EML4: variants seen among roughly 807,000 people sequenced by gnomAD.
EML4 encodes EMAP like 4, also known as echinoderm microtubule-associated protein-like 4.
In EML4, 72 loss-of-function variants were observed where a neutral mutation model predicts 129.0. That is an observed-to-expected ratio of 0.56 (90% CI 0.46 to 0.68). The LOEUF (loss-of-function observed/expected upper bound fraction) is 0.68, where lower values mean the gene tolerates loss of function less well. EML4 is among the 30% of genes least tolerant of loss of function. The pLI is 0.00. For synonymous variants in EML4, 532 were observed against 405.0 expected (o/e 1.31, Z -3.77); for missense variants, 1,363 against 1,190.6 (o/e 1.14, Z -2.13).
chr2:42,259,722 CTTTTTTTTTTTTT>C (rs780243101), intron 3 of EML4, among the ~76,000 whole-genome samples: 2 of 98,346 alleles, frequency 2.0e-5, no homozygotes, highest in South Asian at 4.0e-4. Flanking sequence ...TTCTTTCTTT[CTTTTTTTTTTTTT>C]TTTTTTTTTT....
rs560179083 is a variant in EML4, at chr2:42,303,389, G to A, written c.1842G>A (p.Arg614=). Residue 614 remains arginine (R), a synonymous_variant, in exon 16 of 23, where the codon AGG becomes AGA. Transcript: ENST00000318522. ...TGCTCTTGACATGTGCTCAGGACAG[G>A]CAGGTGTGCCTGTGGAACTCAATGG... ...KDLLLTCAQD[R]QVCLWNSMEH... The A allele has an allele frequency of 2.5e-6, 4 of 1,614,142 alleles. No homozygotes were observed. Among genetic ancestry groups the A allele is most frequent in the South Asian group, 1.1e-5 (1 of 91,082 alleles).
rs1011668866 is a variant in EML4, at chr2:42,332,057, T to G, written c.*1850T>G. On this transcript the variant is annotated 3_prime_UTR_variant, in exon 23 of 23. Coordinates refer to ENST00000318522, the MANE Select transcript of EML4 (RefSeq NM_019063.5). ...CCAGTAAGTATCAGGCATATATATC[T>G]GTCTGTTAGCAATGATTATTACATC... 2.2e-5 allele frequency: 5 copies of G among 222,358 alleles called. No individual in the cohort carries two copies. The highest frequency in any genetic ancestry group is 4.5e-5 in the African/African-American group (2 of 44,742). The allele number at this position is 222,358 out of a possible 1,614,324, so 13.8% of individuals were successfully genotyped here.
At position 42,245,706 on chromosome 2, in the gene EML4, TAA is replaced by T. The variant is rs1558536283; in HGVS notation, c.208+23_208+24del. The T allele has an allele frequency of 1.9e-6, 3 of 1,556,136 alleles. No individual in the cohort carries two copies. The highest frequency in any genetic ancestry group is 2.0e-5 in the Admixed American group (1 of 48,830). On this transcript the variant is annotated intron_variant, in intron 2 of 22. Transcript: ENST00000318522. ...AGTAAAGGTAATTGTGTTGTAAAGTTAAAAAGAGTCTTGCTTTTTGCAATATT... is the reference window on the plus strand; with the variant it reads ...AGTAAAGGTAATTGTGTTGTAAAGTTAAAGAGTCTTGCTTTTTGCAATATT...
Position 42,295,183 on chromosome 2 carries a change from T to G in EML4, c.1277T>G (p.Ile426Ser). Reference sequence around the variant, plus strand: ...CACCCAACAGATGCAAATACCATAATTACATGCGGTAAATCTCATATTTTC... The same window carrying G: ...CACCCAACAGATGCAAATACCATAAGTACATGCGGTAAATCTCATATTTTC... ...EFHPTDANTIITCGKSHIFFW... is the reference protein window; with the variant it reads ...EFHPTDANTISTCGKSHIFFW... Residue 426 changes from isoleucine (I) to serine (S), a missense_variant, in exon 12 of 23, where the codon ATT becomes AGT. Transcript: ENST00000318522. 1 of 1,613,098 alleles carries G rather than the reference T, an allele frequency of 6.2e-7. No homozygotes were observed. Among genetic ancestry groups the G allele is most frequent in the Non-Finnish European group, 8.5e-7 (1 of 1,179,700 alleles).
At chr2:42,253,459 G>T (rs1018908399) in intron 2 of EML4, among the ~76,000 whole-genome samples, 1 of 152,074 alleles carries the variant, frequency 6.6e-6, no homozygotes. Context: ...AAATAATGGG[G>T]CATATTACAG....
At chr2:42,303,507 A>T in intron 16 of EML4, 61 bp downstream of exon 16, 1 of 1,564,654 alleles carries the variant, frequency 6.4e-7, no homozygotes, top group Non-Finnish European at 8.8e-7. Flanking sequence ...CTGGCAGTTG[A>T]GAGCAGCAAA....
At chr2:42,320,286 TG>T in intron 19 of EML4, among the ~76,000 whole-genome samples, 1 of 151,710 alleles carries the variant, frequency 6.6e-6, no homozygotes, top group Admixed American at 6.6e-5. Context: ...TCCAGGAGTT[TG>T]ACACCAGCCT....
intron 1 of EML4, among the ~76,000 whole-genome samples, chr2:42,177,865 C>A (rs913456353): frequency 6.6e-6 from 1 of 152,246 alleles, no homozygotes; most frequent in South Asian, 2.1e-4. Flanking sequence ...AATATCAGTA[C>A]TTCGTGTGAT....
rs572899540 is a variant in EML4 at position 42,325,606 on chromosome 2, A to T, written c.2242+52A>T. On this transcript the variant is annotated intron_variant, in intron 20 of 22. Coordinates refer to ENST00000318522, the MANE Select transcript of EML4 (RefSeq NM_019063.5). ...ATATATATGCTATGATTATATTTAT[A>T]TATATATATATATATATATATATAT... is the stretch of plus-strand genomic sequence containing the variant. The T allele has an allele frequency of 5.2e-4, 15 of 28,692 alleles. No individual in the cohort carries two copies. The South Asian group carries it at 9.2e-3, about 18-fold the overall frequency. The allele number at this position is 28,692 out of a possible 1,614,324, so 1.8% of individuals were successfully genotyped here. A position where few individuals can be genotyped will look rare whatever the true frequency, so the allele number is the denominator to read the frequency against.
intron 1 of EML4, among the ~76,000 whole-genome samples, chr2:42,235,690 A>G (rs1470565349): frequency 2.0e-5 from 3 of 152,122 alleles, no homozygotes; most frequent in African/African-American, 7.2e-5. Context: ...ATTATATCTC[A>G]TATCATGTAA....
chr2:42,222,255 A>T (rs2104117385), intron 1 of EML4, among the ~76,000 whole-genome samples: 1 of 152,152 alleles, frequency 6.6e-6, no homozygotes, highest in East Asian at 1.9e-4. Context: ...TTTTTGCAAG[A>T]TAACCCCTGT....
At chr2:42,197,993 G>A (rs1029225425) in intron 1 of EML4, among the ~76,000 whole-genome samples, 2 of 152,184 alleles carry the variant, frequency 1.3e-5, no homozygotes, top group African/African-American at 2.4e-5. Context: ...CTAGTTTGTA[G>A]CCTTGGACAA....
intron 3 of EML4, among the ~76,000 whole-genome samples, chr2:42,260,773 G>C (rs1393524698): frequency 6.6e-6 from 1 of 152,178 alleles, no homozygotes; most frequent in Non-Finnish European, 1.5e-5. Context: ...CAGTCGGTAT[G>C]CTTTACACAG....
At chr2:42,258,034 G>C (rs148006050) in intron 3 of EML4, among the ~76,000 whole-genome samples, 1 of 152,176 alleles carries the variant, frequency 6.6e-6, no homozygotes, top group African/African-American at 2.4e-5. Context: ...TAGTGGTTCA[G>C]ATTCAGCCCA....
intron 1 of EML4, among the ~76,000 whole-genome samples, chr2:42,220,779 T>G (rs1195602282): frequency 6.6e-6 from 1 of 152,184 alleles, no homozygotes; most frequent in East Asian, 1.9e-4. Context: ...AAAAAGTTTC[T>G]GAAGAGTGCT....
rs569312275 is a variant in EML4 at position 42,331,857 on chromosome 2, T to C, written c.*1650T>C. The C allele has an allele frequency of 1.8e-5, 4 of 218,846 alleles. No homozygotes were observed. The highest frequency in any genetic ancestry group is 1.3e-4 in the East Asian group (2 of 14,880). 13.6% of individuals were successfully genotyped at this position (218,846 alleles called of 1,614,324 possible). On this transcript the variant is annotated 3_prime_UTR_variant, in exon 23 of 23. Transcript: ENST00000318522. Reference sequence around the variant, plus strand: ...GTGTGTATCTCTAGATAAGAAGATATGCACCACGTTGAAAATACTCAGTGT... The same window carrying C: ...GTGTGTATCTCTAGATAAGAAGATACGCACCACGTTGAAAATACTCAGTGT...
At chr2:42,248,077 G>A (rs1572624107) in intron 2 of EML4, among the ~76,000 whole-genome samples, 1 of 151,910 alleles carries the variant, frequency 6.6e-6, no homozygotes. Context: ...GGCACAAGTG[G>A]TCCTCATTCC....
intron 19 of EML4, among the ~76,000 whole-genome samples, chr2:42,321,208 C>G (rs1318438812): frequency 6.6e-6 from 1 of 151,838 alleles, no homozygotes; most frequent in South Asian, 2.1e-4. Context: ...ACGGTGAAAC[C>G]CCATCTCTAC....
chr2:42,311,513 C>T (rs1572738668), intron 17 of EML4, among the ~76,000 whole-genome samples: 1 of 151,968 alleles, frequency 6.6e-6, no homozygotes, highest in Non-Finnish European at 1.5e-5. Flanking sequence ...TGCACTCCAG[C>T]CTGGGCAACA....
Sources: allele counts gnomAD v4.1 joint callset (sites outside exome capture counted in the v4.1 genomes callset), GRCh38; gene constraint gnomAD v4.1.1; transcripts MANE v1.5; gene names NCBI Gene and HGNC (gene_info 2026-07-23, HGNC 2026-07-21).